KLHL13: variants seen among roughly 807,000 people sequenced by gnomAD.
KLHL13 encodes the protein kelch-like protein 13.
KLHL13 carries 10 observed loss-of-function variants against 37.1 expected under a neutral mutation model. That is an observed-to-expected ratio of 0.27 (90% confidence interval 0.17 to 0.46). KLHL13 has a LOEUF of 0.46. KLHL13 is among the 20% of genes least tolerant of loss of function. KLHL13 has a pLI of 1.00. For missense variants in KLHL13, 360 were observed against 509.3 expected, an observed-to-expected ratio of 0.71 and a Z score of 2.82; for synonymous variants, 163 against 181.2, an observed-to-expected ratio of 0.90 and a Z score of 0.81.
chrX:118,078,247 T>A (rs1213410172), intron 1 of KLHL13, among the ~76,000 whole-genome samples: 1 of 111,843 alleles, frequency 8.9e-6, no homozygotes, highest in African/African-American at 3.2e-5. Context: ...AATTTTAAAA[T>A]TTTTAATTAG....
chrX:118,024,092 A>G (rs1309637425), intron 1 of KLHL13, among the ~76,000 whole-genome samples: 1 of 112,231 alleles, frequency 8.9e-6, no homozygotes, highest in Non-Finnish European at 1.9e-5. Context: ...TAGGGTCCAT[A>G]AGACTAGGTC....
At chrX:118,009,123 T>G (rs1037477465) in intron 1 of KLHL13, among the ~76,000 whole-genome samples, 18 of 105,165 alleles carry the variant, frequency 1.7e-4, no homozygotes, top group East Asian at 3.1e-4. Context: ...TAAATTTGTT[T>G]GAGTTCATTG....
chrX:118,025,154 T>A (rs1479917697), intron 1 of KLHL13, among the ~76,000 whole-genome samples: 1 of 111,583 alleles, frequency 9.0e-6, no homozygotes, highest in East Asian at 2.8e-4. Context: ...ATTCCCCTAT[T>A]TTCTGTATCT....
At chrX:118,039,522 G>C (rs1481428312) in intron 1 of KLHL13, among the ~76,000 whole-genome samples, 1 of 111,587 alleles carries the variant, frequency 9.0e-6, no homozygotes, top group Non-Finnish European at 1.9e-5. Flanking sequence ...AGGGGGAAAA[G>C]TGGGGAGGAC....
intron 1 of KLHL13, among the ~76,000 whole-genome samples, chrX:118,027,533 C>T (rs1170369851): frequency 9.1e-6 from 1 of 109,940 alleles, no homozygotes; most frequent in Admixed American, 9.8e-5. Flanking sequence ...TCTTTTATTT[C>T]CATTTTTTCC....
chrX:118,071,298 T>C, intron 1 of KLHL13, among the ~76,000 whole-genome samples: 1 of 111,412 alleles, frequency 9.0e-6, no homozygotes, highest in Non-Finnish European at 1.9e-5. Context: ...GGTCAAATGG[T>C]ATTTCTAGTT....
At position 118,087,388 on chromosome X, in the gene KLHL13, A is replaced by AAT. The variant is rs199854887; in HGVS notation, c.-56+29118_-56+29119dup. ...TCTATCCACTGAATCTACTCTTTAA[A>AAT]ATATATATATATATACACATATATA... On this transcript the variant is annotated intron_variant, in intron 1 of 6. Transcript: ENST00000371882. Among the ~76,000 whole-genome samples, 448 of 107,763 alleles carry AAT rather than the reference A, an allele frequency of 4.2e-3. 4 individuals carry two copies. Among genetic ancestry groups the AAT allele is most frequent in the Non-Finnish European group, 4.8e-3 (250 of 51,993 alleles). 93.6% of individuals were successfully genotyped at this position (107,763 alleles called of 115,157 possible).
intron 1 of KLHL13, among the ~76,000 whole-genome samples, chrX:118,045,028 T>C (rs1045278409): frequency 1.1e-4 from 12 of 111,655 alleles, no homozygotes; most frequent in South Asian, 3.8e-4. Context: ...AACCAAAATA[T>C]GTAAGGAGCT....
intron 1 of KLHL13, among the ~76,000 whole-genome samples, chrX:117,992,249 A>AAAAAAAAAAAAAT (rs2053802770): frequency 9.3e-6 from 1 of 107,145 alleles, no homozygotes; most frequent in Non-Finnish European, 1.9e-5. Flanking sequence ...AAAAAAAAAA[A>AAAAAAAAAAAAAT]GGTGCAGAAA....
chrX:118,013,665 CA>C (rs1177883571), intron 1 of KLHL13, among the ~76,000 whole-genome samples: 2 of 111,331 alleles, frequency 1.8e-5, no homozygotes, highest in Non-Finnish European at 3.8e-5. Flanking sequence ...GAGCAAAAAT[CA>C]ATAAATAGAA....
chrX:117,913,766 C>G (rs1193302340), intron 4 of KLHL13, among the ~76,000 whole-genome samples: 1 of 108,961 alleles, frequency 9.2e-6, no homozygotes, highest in Non-Finnish European at 1.9e-5. Flanking sequence ...TCACTTGAAC[C>G]CGGGAGGCGG....
At chrX:117,956,018 C>T (rs1299699169) in intron 1 of KLHL13, among the ~76,000 whole-genome samples, 1 of 111,321 alleles carries the variant, frequency 9.0e-6, no homozygotes, top group East Asian at 2.8e-4. Context: ...TTAGGGTCCA[C>T]CATTTTACTA....
chrX:117,902,975 T>C (rs1163843000), intron 5 of KLHL13, among the ~76,000 whole-genome samples: 1 of 110,496 alleles, frequency 9.1e-6, no homozygotes, highest in Non-Finnish European at 1.9e-5. Flanking sequence ...CCATATGATA[T>C]AGTTCTGGGC....
intron 1 of KLHL13, among the ~76,000 whole-genome samples, chrX:117,969,802 A>G (rs2053493634): frequency 8.9e-6 from 1 of 111,854 alleles, no homozygotes; most frequent in African/African-American, 3.2e-5. Flanking sequence ...AGTGCTTTAT[A>G]CTATATAAGA....
intron 1 of KLHL13, among the ~76,000 whole-genome samples, chrX:117,948,903 G>A (rs1217057237): frequency 8.9e-6 from 1 of 111,808 alleles, no homozygotes; most frequent in Non-Finnish European, 1.9e-5. Context: ...TGTAAACGTG[G>A]TCAAACCAAA....
intron 1 of KLHL13, among the ~76,000 whole-genome samples, chrX:118,020,485 G>C (rs1395141300): frequency 1.8e-5 from 2 of 110,901 alleles, no homozygotes; most frequent in Non-Finnish European, 3.8e-5. Flanking sequence ...TAAAAAGTCA[G>C]GAAACAACAG....
intron 2 of KLHL13, among the ~76,000 whole-genome samples, chrX:117,942,247 A>G (rs1325542182): frequency 9.0e-6 from 1 of 111,583 alleles, no homozygotes; most frequent in East Asian, 2.8e-4. Context: ...TTTACTTCCA[A>G]TTATGTGGTC....
chrX:117,991,756 T>C (rs183479604), intron 1 of KLHL13, among the ~76,000 whole-genome samples: 1 of 109,403 alleles, frequency 9.1e-6, no homozygotes, highest in East Asian at 2.9e-4. Flanking sequence ...CAAGAACAAT[T>C]TGGGGGAGGG....
At chrX:118,116,948 A>G (rs995773210), upstream of KLHL13, 1 of 107,404 alleles carries the variant, frequency 9.3e-6, no homozygotes, top group African/African-American at 3.4e-5. Flanking sequence ...GGTGGCGGGG[A>G]GCCGGGGCTA....
Sources: gnomAD v4.1 joint callset for allele counts (sites outside exome capture counted in the v4.1 genomes callset) on GRCh38, gnomAD v4.1.1 for gene constraint, MANE v1.5 for transcripts, NCBI Gene and HGNC (gene_info 2026-07-23, HGNC 2026-07-21) for gene names.